The following KDM3A variants were observed in gnomAD, a reference collection of about 807,000 sequenced individuals.
KDM3A encodes lysine demethylase 3A.
Under a neutral mutation model 158.0 loss-of-function variants are expected in KDM3A, and 60 were observed. That is an observed-to-expected ratio of 0.38 (90% CI 0.31 to 0.47). The LOEUF is 0.47. Among genes scored for constraint, KDM3A ranks in the 20% least tolerant of loss-of-function variants. The probability of loss-of-function intolerance (pLI) is 0.99; values close to 1 mark genes in which losing one functional copy is unlikely to be tolerated. For synonymous variants in KDM3A, 608 were observed against 549.3 expected, an observed-to-expected ratio of 1.11 and a Z score of -1.49; for missense variants, 1,319 against 1,574.3, an observed-to-expected ratio of 0.84 and a Z score of 2.74.
intron 8 of KDM3A, among the ~76,000 whole-genome samples, chr2:86,461,037 A>G (rs1437017556): frequency 6.6e-6 from 1 of 151,760 alleles, no homozygotes; most frequent in Non-Finnish European, 1.5e-5. Flanking sequence ...AATTTTCGCA[A>G]TGTTTTTCTG....
intron 2 of KDM3A, 50 bp from the exon 3 acceptor site, chr2:86,449,757 T>G (rs1453831753): frequency 6.4e-6 from 10 of 1,551,394 alleles, no homozygotes; most frequent in Non-Finnish European, 7.8e-6. Flanking sequence ...GTAATGCTTA[T>G]TTTAATAAAT....
At chr2:86,443,702 G>T (rs1216820430) in intron 2 of KDM3A, among the ~76,000 whole-genome samples, 1 of 152,192 alleles carries the variant, frequency 6.6e-6, no homozygotes, top group East Asian at 1.9e-4. Context: ...CAGTGATCAA[G>T]AGCTATGCCA....
Position 86,474,701 on chromosome 2 carries a change from TTGTGTGTGTG to T in KDM3A, c.1725-43_1725-34del, listed in dbSNP as rs369518183. 259 of 429,154 alleles carry T rather than the reference TTGTGTGTGTG, an allele frequency of 6.0e-4. 1 individual carries two copies. Among genetic ancestry groups the T allele is most frequent in the South Asian group, 2.6e-3 (105 of 39,740 alleles). 26.6% of individuals were successfully genotyped at this position (429,154 alleles called of 1,614,324 possible). A position where few individuals can be genotyped will look rare whatever the true frequency, so the allele number is the denominator to read the frequency against. ...AAAGTAATTACAAGTTGTAAATAAG[TTGTGTGTGTG>T]TGTGTGTGTGTGTGTGTGTGTGTGT... On this transcript the variant is annotated intron_variant, in intron 11 of 25. Coordinates refer to ENST00000312912, the MANE Select transcript of KDM3A (RefSeq NM_018433.6).
At position 86,464,139 on chromosome 2, in the gene KDM3A, T is replaced by G; in HGVS notation, c.930T>G (p.Pro310=). The G allele has an allele frequency of 2.5e-6, 4 of 1,612,870 alleles. No individual in the cohort carries two copies. The highest frequency in any genetic ancestry group is 3.4e-6 in the Non-Finnish European group (4 of 1,179,198). ...TTGGCTGTACTGCGGCAACTCCACCTAGTAAGGACCCAAGACAGCAAAGTA... is the reference window on the plus strand; with the variant it reads ...TTGGCTGTACTGCGGCAACTCCACCGAGTAAGGACCCAAGACAGCAAAGTA... ...ILLGCTAATP[P]SKDPRQQSTP... is the part of the protein sequence containing the mutation. The change falls in exon 9 of 26, where the codon CCT becomes CCG. Residue 310 remains proline, a synonymous_variant. Coordinates refer to ENST00000312912, the MANE Select transcript of KDM3A (RefSeq NM_018433.6).
chr2:86,448,836 G>A (rs1683053580), intron 2 of KDM3A, among the ~76,000 whole-genome samples: 1 of 152,140 alleles, frequency 6.6e-6, no homozygotes, highest in Admixed American at 6.6e-5. Context: ...ACTGAATATC[G>A]AGGGAGTTTA....
chr2:86,478,573 C>G, intron 14 of KDM3A, 35 bp from the exon 15 acceptor site: 1 of 1,610,304 alleles, frequency 6.2e-7, no homozygotes, highest in South Asian at 1.1e-5. Flanking sequence ...TTCCTAATAT[C>G]CTTGTTCAGA....
In KDM3A at chr2:86,442,194, A is replaced by G; in HGVS notation, c.147A>G (p.Arg49=). ...AEWPWLSGTI[R]AVSHTDVTKK... The stretch of plus-strand genomic sequence containing the variant: ...GGCCCTGGCTCTCCGGGACCATTCG[A>G]GCTGTTTCCCACACCGACGTTACCA... The change falls in exon 2 of 26, where the codon CGA becomes CGG. Residue 49 remains arginine (R), a synonymous_variant. Transcript: ENST00000312912. The G allele has an allele frequency of 6.2e-7, 1 of 1,612,754 alleles. No homozygotes were observed. Among genetic ancestry groups the G allele is most frequent in the South Asian group, 1.1e-5 (1 of 90,990 alleles).
chr2:86,472,448 G>A (rs1252306148), intron 11 of KDM3A, among the ~76,000 whole-genome samples: 1 of 151,698 alleles, frequency 6.6e-6, no homozygotes, highest in Non-Finnish European at 1.5e-5. Flanking sequence ...TAGGAGTAGG[G>A]GTAGGGTCTC....
intron 8 of KDM3A, among the ~76,000 whole-genome samples, chr2:86,459,662 A>T (rs956935705): frequency 1.6e-4 from 24 of 152,164 alleles, no homozygotes; most frequent in African/African-American, 5.8e-4. Flanking sequence ...TGTTTGAGCA[A>T]GTAAATTTCT....
intron 2 of KDM3A, among the ~76,000 whole-genome samples, chr2:86,446,275 G>A (rs1682954656): frequency 6.6e-6 from 1 of 152,198 alleles, no homozygotes; most frequent in Non-Finnish European, 1.5e-5. Context: ...GGCCTTTGAA[G>A]CCACACAGTG....
At chr2:86,478,148 A>AC in intron 13 of KDM3A, 22 bp from the exon 14 acceptor site, 2 of 1,609,908 alleles carry the variant, frequency 1.2e-6, no homozygotes, top group South Asian at 2.2e-5. Context: ...AAGAACAGTT[A>AC]CTACAAATCA....
At chr2:86,450,910 G>A (rs933920310) in intron 3 of KDM3A, among the ~76,000 whole-genome samples, 193 bp from the exon 4 acceptor site, 6 of 152,062 alleles carry the variant, frequency 3.9e-5, no homozygotes, top group Admixed American at 1.3e-4. Flanking sequence ...ATGTCTATCT[G>A]GTTTAAATTA....
rs529075198 is a variant in KDM3A, at chr2:86,485,656, A to C, written c.3183-73A>C. 2.3e-4 allele frequency: 361 copies of C among 1,568,060 alleles called. No individual in the cohort carries two copies. The African/African-American group carries it at 2.7e-3, about 12-fold the overall frequency. On this transcript the variant is annotated intron_variant, in intron 20 of 25. Transcript: ENST00000312912. Reference sequence around the variant, plus strand: ...GATTTGTTCCTTTTGGTGTAGAAGGAACAAAACAGGTTACACAATAATGAA... The same window carrying C: ...GATTTGTTCCTTTTGGTGTAGAAGGCACAAAACAGGTTACACAATAATGAA...
chr2:86,481,551 T>C (rs777108620), intron 16 of KDM3A, among the ~76,000 whole-genome samples: 2 of 151,964 alleles, frequency 1.3e-5, no homozygotes, highest in Non-Finnish European at 2.9e-5. Flanking sequence ...AGGATATCTG[T>C]TTTCACTCTT....
chr2:86,441,542 G>A (rs1380936750), intron 1 of KDM3A, 98 bp downstream of exon 1: 2 of 150,910 alleles, frequency 1.3e-5, no homozygotes, highest in African/African-American at 4.9e-5. Context: ...CGCAGGCCCG[G>A]GAGACGGGCG....
At chr2:86,446,736 A>G (rs1453505982) in intron 2 of KDM3A, among the ~76,000 whole-genome samples, 1 of 152,164 alleles carries the variant, frequency 6.6e-6, no homozygotes, top group African/African-American at 2.4e-5. Context: ...GTTTTTTTGT[A>G]GAAATGTCCA....
chr2:86,491,173 T>G lies in KDM3A; in HGVS notation c.3783T>G (p.Ala1261=), dbSNP rs61748136. ...ACTTATATAGCTGCATCAAAGTGGC[T>G]GAAGATTTTGTTTCTCCAGAGCATG... ...VHNLYSCIKV[A]EDFVSPEHVK... is the part of the protein sequence containing the mutation. Residue 1261 remains alanine (A), a synonymous_variant, in exon 25 of 26, where the codon GCT becomes GCG. Coordinates refer to ENST00000312912, the MANE Select transcript of KDM3A (RefSeq NM_018433.6). 2.6e-3 allele frequency: 4,263 copies of G among 1,613,998 alleles called. 19 individuals are homozygous for G. The highest frequency in any genetic ancestry group is 2.9e-3 in the Non-Finnish European group (3,424 of 1,179,884).
At chr2:86,441,902 G>A (rs1404184180) in intron 1 of KDM3A, 116 bp from the exon 2 acceptor site, 3 of 745,984 alleles carry the variant, frequency 4.0e-6, no homozygotes, top group Non-Finnish European at 4.1e-6. Context: ...GTGCGGGTCC[G>A]CCCGGGGCCG....
At chr2:86,444,323 T>C (rs1369115602) in intron 2 of KDM3A, among the ~76,000 whole-genome samples, 1 of 152,208 alleles carries the variant, frequency 6.6e-6, no homozygotes, top group Non-Finnish European at 1.5e-5. Context: ...AAAAACAATT[T>C]TGGCTAGGTT....
Sources: gnomAD v4.1 joint callset for allele counts (sites outside exome capture counted in the v4.1 genomes callset) on GRCh38, gnomAD v4.1.1 for gene constraint, MANE v1.5 for transcripts, NCBI Gene and HGNC (gene_info 2026-07-23, HGNC 2026-07-21) for gene names.